Variants in CES5A observed in about 807,000 individuals in gnomAD.
The protein encoded by CES5A is carboxylesterase 5.
In CES5A, 67 loss-of-function variants were observed where a neutral mutation model predicts 62.9. The observed-to-expected ratio is 1.07, with a 90% CI of 0.88 to 1.31. CES5A has a LOEUF of 1.31. Ranked by LOEUF, CES5A falls within the 50% of genes most tolerant of loss-of-function variation. The pLI, the probability that CES5A is intolerant of heterozygous loss-of-function variation, is 0.00. For missense variants in CES5A, 748 were observed against 708.5 expected, an observed-to-expected ratio of 1.06 and a Z score of -0.63; for synonymous variants, 296 against 280.8, an observed-to-expected ratio of 1.05 and a Z score of -0.54.
intron 10 of CES5A, among the ~76,000 whole-genome samples, chr16:55,851,852 A>ATATATATTTCC (rs1156958857): frequency 2.0e-5 from 3 of 152,248 alleles, no homozygotes; most frequent in African/African-American, 7.2e-5. Context: ...AACATTAGTC[A>ATATATATTTCC]GCCTTAAAAA....
At chr16:55,892,849 C>A (rs1480678740) in intron 1 of CES5A, among the ~76,000 whole-genome samples, 1 of 151,926 alleles carries the variant, frequency 6.6e-6, no homozygotes, top group Admixed American at 6.6e-5. Flanking sequence ...TAAATGAGTA[C>A]AGATAAATAT....
intron 1 of CES5A, among the ~76,000 whole-genome samples, chr16:55,896,309 G>T (rs62036976): frequency 0.21 from 32,096 of 152,070 alleles, 4,508 homozygotes; most frequent in Non-Finnish European, 0.31. Context: ...CATGACATGT[G>T]GGTAGTATGG....
At chr16:55,909,233 C>T (rs1597145509) in intron 1 of CES5A, among the ~76,000 whole-genome samples, 1 of 152,168 alleles carries the variant, frequency 6.6e-6, no homozygotes, top group South Asian at 2.1e-4. Flanking sequence ...TTTCTCATTC[C>T]TTTCCACTTT....
Position 55,852,830 on chromosome 16 carries a change from C to A in CES5A, c.1273+51G>T, listed in dbSNP as rs775912360. 1.1e-5 allele frequency: 17 copies of A among 1,575,054 alleles called. 1 individual carries two copies. The East Asian group carries it at 3.2e-4, about 30-fold the overall frequency. On this transcript the variant is annotated intron_variant, in intron 10 of 12. Transcript: ENST00000290567. ...CAGTAGACAATATGGATTTCCGTGGCCACCAGCCTCACTGGGCTATGGTCC... is the reference window on the plus strand; with the variant it reads ...CAGTAGACAATATGGATTTCCGTGGACACCAGCCTCACTGGGCTATGGTCC...
intron 1 of CES5A, among the ~76,000 whole-genome samples, chr16:55,905,752 G>T (rs954710280): frequency 6.6e-6 from 1 of 152,170 alleles, no homozygotes; most frequent in Non-Finnish European, 1.5e-5. Context: ...TCTGAGCTCT[G>T]CAAAGCACAC....
intron 1 of CES5A, among the ~76,000 whole-genome samples, chr16:55,882,027 T>A (rs1208651802): frequency 1.3e-5 from 2 of 152,168 alleles, no homozygotes; most frequent in African/African-American, 4.8e-5. Flanking sequence ...ACTTGAATGT[T>A]GTTTAACTTG....
upstream of CES5A, chr16:55,925,549 A>G (rs1380164140): frequency 6.6e-6 from 1 of 152,112 alleles, no homozygotes; most frequent in Non-Finnish European, 1.5e-5. Context: ...ATGTCAAAAA[A>G]AATCTCTGCA....
At chr16:55,872,583 G>A (rs115319081) in intron 2 of CES5A, among the ~76,000 whole-genome samples, 103 of 152,310 alleles carry the variant, frequency 6.8e-4, no homozygotes, top group African/African-American at 2.3e-3. Flanking sequence ...GGCTGTAAAT[G>A]TGAATGCTTC....
intron 2 of CES5A, among the ~76,000 whole-genome samples, chr16:55,940,162 G>A (rs188024632): frequency 2.0e-5 from 3 of 152,060 alleles, no homozygotes; most frequent in Admixed American, 6.5e-5. Flanking sequence ...CAAAACCAAA[G>A]TAACCAGGAG....
Position 55,846,362 on chromosome 16 carries a change from A to G in CES5A, c.*89T>C, listed in dbSNP as rs1278872479. 4 of 984,038 alleles carry G rather than the reference A, an allele frequency of 4.1e-6. No homozygotes were observed. The highest frequency in any genetic ancestry group is 6.3e-6 in the Non-Finnish European group (4 of 639,224). 61.0% of individuals were successfully genotyped at this position (984,038 alleles called of 1,614,324 possible). A position where few individuals can be genotyped will look rare whatever the true frequency, so the allele number is the denominator to read the frequency against. On this transcript the variant is annotated 3_prime_UTR_variant, in exon 13 of 13. Coordinates refer to ENST00000290567, the MANE Select transcript of CES5A (RefSeq NM_001143685.2). ...CAGCTTGTTTTGCAAGGATCCCCATAGAAAGCAGCTGAGCTCAGAAAGAAG... is the reference window on the plus strand; with the variant it reads ...CAGCTTGTTTTGCAAGGATCCCCATGGAAAGCAGCTGAGCTCAGAAAGAAG...
intron 1 of CES5A, among the ~76,000 whole-genome samples, chr16:55,896,265 C>T (rs1199173821): frequency 1.3e-5 from 2 of 152,190 alleles, no homozygotes; most frequent in Non-Finnish European, 2.9e-5. Context: ...AAGACCTACC[C>T]TCATGATTCA....
At chr16:55,849,519 C>CA in intron 11 of CES5A, 105 bp downstream of exon 11, 9 of 1,237,466 alleles carry the variant, frequency 7.3e-6, no homozygotes, top group Non-Finnish European at 1.0e-5. Context: ...GCCTATAAAC[C>CA]ACAGAGGTAA....
At chr16:55,916,005 AG>A (rs1263455662) in intron 1 of CES5A, among the ~76,000 whole-genome samples, 1 of 152,234 alleles carries the variant, frequency 6.6e-6, no homozygotes. Context: ...ACACAAGACC[AG>A]CCACACCATA....
chr16:55,897,872 G>A (rs893527497), intron 1 of CES5A, among the ~76,000 whole-genome samples: 9 of 152,202 alleles, frequency 5.9e-5, no homozygotes, highest in African/African-American at 2.2e-4. Context: ...TATACATATA[G>A]TGGAACGCTA....
At chr16:55,949,981 G>A in intron 1 of CES5A, 1 of 544,502 alleles carries the variant, frequency 1.8e-6, no homozygotes, top group African/African-American at 2.0e-5. Context: ...AACCAATACA[G>A]CATATAAGTA....
At chr16:55,869,532 A>G (rs1251228061) in intron 4 of CES5A, 79 bp downstream of exon 4, 1 of 1,493,422 alleles carries the variant, frequency 6.7e-7, no homozygotes, top group Non-Finnish European at 8.9e-7. Flanking sequence ...GCTCCTTCTT[A>G]GGTTGCTGGG....
intron 1 of CES5A, among the ~76,000 whole-genome samples, chr16:55,899,138 G>C (rs1352580978): frequency 6.6e-6 from 1 of 152,148 alleles, no homozygotes; most frequent in Non-Finnish European, 1.5e-5. Context: ...AGACCTTTCT[G>C]TTTAAGTGCC....
At chr16:55,889,655 A>G (rs577510428) in intron 1 of CES5A, among the ~76,000 whole-genome samples, 1 of 148,256 alleles carries the variant, frequency 6.7e-6, no homozygotes, top group East Asian at 2.0e-4. Context: ...CTCCCAACCC[A>G]GTCCTTTTTT....
At chr16:55,942,656 G>A (rs966779701) in intron 2 of CES5A, among the ~76,000 whole-genome samples, 1 of 152,114 alleles carries the variant, frequency 6.6e-6, no homozygotes, top group Non-Finnish European at 1.5e-5. Context: ...TGTGTCTATT[G>A]TATGCTTCAA....
Sources: allele counts gnomAD v4.1 joint callset (sites outside exome capture counted in the v4.1 genomes callset), GRCh38; gene constraint gnomAD v4.1.1; transcripts MANE v1.5; gene names NCBI Gene and HGNC (gene_info 2026-07-23, HGNC 2026-07-21).